The following ADK variants were observed in gnomAD, a reference collection of about 807,000 sequenced individuals.
ADK encodes the protein adenosine kinase.
A neutral mutation model predicts 44.7 loss-of-function variants in ADK; 24 were observed. That is an observed-to-expected ratio of 0.54 (90% CI 0.39 to 0.76). The LOEUF is 0.76. Ranked by LOEUF, ADK falls within the 30% of genes least tolerant of loss-of-function variation. The probability of loss-of-function intolerance (pLI) is 0.00; values close to 1 mark genes in which losing one functional copy is unlikely to be tolerated. For missense variants in ADK, 321 were observed against 425.1 expected (o/e 0.76, Z 2.15); for synonymous variants, 128 against 142.6 (o/e 0.90, Z 0.73).
chr10:74,576,316 A>T (rs975896595), intron 7 of ADK, among the ~76,000 whole-genome samples: 1 of 152,166 alleles, frequency 6.6e-6, no homozygotes, highest in Non-Finnish European at 1.5e-5. Flanking sequence ...GAGTTGGAAG[A>T]TCCAAAAGAG....
intron 2 of ADK, among the ~76,000 whole-genome samples, chr10:74,213,063 G>A (rs970101483): frequency 1.4e-4 from 22 of 152,248 alleles, no homozygotes; most frequent in African/African-American, 5.3e-4. Context: ...GCATATTCAG[G>A]AGACAGTTGG....
intron 4 of ADK, among the ~76,000 whole-genome samples, chr10:74,322,443 C>T (rs1229657562): frequency 1.3e-5 from 2 of 152,256 alleles, no homozygotes; most frequent in East Asian, 1.9e-4. Flanking sequence ...ACAGGCCCTA[C>T]GAATAAGGTT....
At chr10:74,667,530 AT>A (rs71307708) in intron 9 of ADK, among the ~76,000 whole-genome samples, 245 of 140,286 alleles carry the variant, frequency 1.7e-3, no homozygotes, top group Middle Eastern at 7.1e-3. Context: ...ATAAGTCATG[AT>A]TTTTTTTTTT....
intron 9 of ADK, among the ~76,000 whole-genome samples, chr10:74,648,934 T>G (rs535854035): frequency 1.1e-4 from 16 of 151,750 alleles, no homozygotes; most frequent in African/African-American, 3.9e-4. Flanking sequence ...ATAATCCCAG[T>G]GCTTTGGGAG....
intron 6 of ADK, among the ~76,000 whole-genome samples, chr10:74,412,018 C>T (rs183996046): frequency 2.7e-4 from 41 of 152,304 alleles, no homozygotes; most frequent in African/African-American, 9.6e-4. Flanking sequence ...TCAGTCCTAT[C>T]TTCAGGCTTC....
intron 6 of ADK, among the ~76,000 whole-genome samples, chr10:74,426,690 A>G (rs1844807857): frequency 6.6e-6 from 1 of 152,212 alleles, no homozygotes; most frequent in Non-Finnish European, 1.5e-5. Context: ...TTTTGAAAGC[A>G]TGTTAATGTC....
chr10:74,387,151 G>A (rs534212789), intron 4 of ADK, among the ~76,000 whole-genome samples: 3 of 152,226 alleles, frequency 2.0e-5, no homozygotes, highest in South Asian at 4.1e-4. Context: ...TGGTCAGGCT[G>A]TTCTTGAACT....
rs574892973 is a variant in ADK at position 74,266,327 on chromosome 10, G to A, written c.194+41736G>A. Among the ~76,000 whole-genome samples, 202 of 152,246 alleles carry A rather than the reference G, an allele frequency of 1.3e-3. 1 individual carries two copies. The highest frequency in any genetic ancestry group is 4.6e-3 in the African/African-American group (190 of 41,538). The stretch of plus-strand genomic sequence containing the variant: ...TAATCTCAGCACCTTGGGAGGCCGA[G>A]GTGGGTGGATCACGAGGTCAGCAAT... On this transcript the variant is annotated intron_variant, in intron 3 of 10. Coordinates refer to ENST00000539909, the MANE Select transcript of ADK (RefSeq NM_006721.4).
At chr10:74,386,883 A>G (rs1263436240) in intron 4 of ADK, among the ~76,000 whole-genome samples, 1 of 152,026 alleles carries the variant, frequency 6.6e-6, no homozygotes, top group Non-Finnish European at 1.5e-5. Context: ...CAAAATTTCA[A>G]GGTAAACACA....
At position 74,700,622 on chromosome 10, in the gene ADK, CA is replaced by C. The variant is rs112229161; in HGVS notation, c.965-7688del. Reference sequence around the variant, plus strand: ...TGTATTACCTCCTTTTGTGTTAAAACAAAAAAAAAAAGAAAAGAAAAAGAAA... The same window carrying C: ...TGTATTACCTCCTTTTGTGTTAAAACAAAAAAAAAAGAAAAGAAAAAGAAA... On this transcript the variant is annotated intron_variant, in intron 10 of 10. Coordinates refer to ENST00000539909, the MANE Select transcript of ADK (RefSeq NM_006721.4). Among the ~76,000 whole-genome samples the C allele has an allele frequency of 4.4e-3, 521 of 119,412 alleles. 3 individuals carry two copies. The highest frequency in any genetic ancestry group is 0.012 in the Middle Eastern group (3 of 244). 78.3% of individuals were successfully genotyped at this position (119,412 alleles called of 152,430 possible).
intron 6 of ADK, among the ~76,000 whole-genome samples, chr10:74,490,703 A>G (rs765155942): frequency 2.6e-5 from 4 of 152,162 alleles, no homozygotes; most frequent in Non-Finnish European, 5.9e-5. Flanking sequence ...TCTGCCTGAT[A>G]ACAAAGTGTT....
chr10:74,663,963 A>G (rs1423757564), intron 9 of ADK, among the ~76,000 whole-genome samples: 1 of 152,188 alleles, frequency 6.6e-6, no homozygotes, highest in African/African-American at 2.4e-5. Context: ...TGATATAGGC[A>G]TATTTCATGC....
At chr10:74,176,558 G>A (rs1000582570) in intron 1 of ADK, 1 of 1,336,834 alleles carries the variant, frequency 7.5e-7, no homozygotes, top group African/African-American at 1.5e-5. Context: ...GCTGTTACTA[G>A]GACTCAAGAT....
intron 6 of ADK, among the ~76,000 whole-genome samples, chr10:74,466,423 T>G (rs1001954761): frequency 2.6e-5 from 4 of 152,200 alleles, no homozygotes; most frequent in African/African-American, 9.6e-5. Context: ...TACTTACCTA[T>G]CCTACCTCTT....
intron 4 of ADK, among the ~76,000 whole-genome samples, chr10:74,361,654 T>G (rs1374737635): frequency 6.6e-6 from 1 of 152,262 alleles, no homozygotes; most frequent in Non-Finnish European, 1.5e-5. Flanking sequence ...TATTAGTGTT[T>G]TAAACACTGC....
chr10:74,201,676 GTATC>G (rs58785624), intron 2 of ADK, among the ~76,000 whole-genome samples: 13,580 of 116,230 alleles, frequency 0.12, 859 homozygotes, highest in Middle Eastern at 0.18. Context: ...ATGTATGTAT[GTATC>G]TATCTATCTA....
chr10:74,683,339 A>G (rs11001109), intron 10 of ADK, among the ~76,000 whole-genome samples: 103,183 of 152,022 alleles, frequency 0.68, 35,360 homozygotes, highest in Middle Eastern at 0.79. Context: ...TGTGCAACCT[A>G]TTTGAAGTCA....
At chr10:74,176,899 C>T (rs1007643323) in intron 1 of ADK, 4 of 1,610,020 alleles carry the variant, frequency 2.5e-6, no homozygotes, top group Non-Finnish European at 2.5e-6. Flanking sequence ...AACGAGCGGG[C>T]GGCTGCCTTG....
At chr10:74,280,398 G>T (rs982012461) in intron 3 of ADK, among the ~76,000 whole-genome samples, 1 of 112,798 alleles carries the variant, frequency 8.9e-6, no homozygotes, top group Non-Finnish European at 2.0e-5. Context: ...CACCGCGCCC[G>T]GCCTTAAACA....
Sources: gnomAD v4.1 joint callset for allele counts (sites outside exome capture counted in the v4.1 genomes callset) on GRCh38, gnomAD v4.1.1 for gene constraint, MANE v1.5 for transcripts, NCBI Gene and HGNC (gene_info 2026-07-23, HGNC 2026-07-21) for gene names.